The following CACHD1 variants were observed in gnomAD, a reference collection of about 807,000 sequenced individuals.
The protein encoded by CACHD1 is cache domain containing 1, also known as VWFA and cache domain-containing protein 1.
Under a neutral mutation model 138.7 loss-of-function variants are expected in CACHD1, and 71 were observed. That is an observed-to-expected ratio of 0.51 (90% CI 0.42 to 0.62). The LOEUF (loss-of-function observed/expected upper bound fraction) is 0.62. CACHD1 is among the 20% of genes least tolerant of loss of function. The probability of loss-of-function intolerance (pLI) is 0.00; values close to 1 mark genes in which losing one functional copy is unlikely to be tolerated. For missense variants in CACHD1, 1,389 were observed against 1,625.3 expected (o/e 0.85, Z 2.50); for synonymous variants, 578 against 591.5 (o/e 0.98, Z 0.33).
intron 7 of CACHD1, among the ~76,000 whole-genome samples, chr1:64,640,900 T>TG (rs1648690708): frequency 1.3e-5 from 2 of 151,764 alleles, no homozygotes; most frequent in Non-Finnish European, 1.5e-5. Flanking sequence ...TTGTTTTTTT[T>TG]TAGTCAACCC....
intron 1 of CACHD1, among the ~76,000 whole-genome samples, chr1:64,526,923 A>G (rs930427791): frequency 3.3e-5 from 5 of 152,170 alleles, no homozygotes; most frequent in African/African-American, 4.8e-5. Context: ...AAGGAAAACC[A>G]TGTGAGCCAT....
At chr1:64,550,485 A>AT in intron 1 of CACHD1, 109 bp from the exon 2 acceptor site, 13 of 735,632 alleles carry the variant, frequency 1.8e-5, no homozygotes, top group Admixed American at 2.9e-5. Flanking sequence ...TTTTAATTAA[A>AT]TTTTTTTTCT....
chr1:64,570,383 C>A (rs573290484), intron 2 of CACHD1, among the ~76,000 whole-genome samples: 5 of 152,262 alleles, frequency 3.3e-5, no homozygotes, highest in African/African-American at 1.2e-4. Context: ...AATAGCTGTT[C>A]ATGGGCATTC....
At chr1:64,621,842 C>A (rs1647925599) in intron 4 of CACHD1, among the ~76,000 whole-genome samples, 4 of 152,024 alleles carry the variant, frequency 2.6e-5, no homozygotes, top group Non-Finnish European at 5.9e-5. Flanking sequence ...GAATTTAATG[C>A]TAAGTGTAGT....
chr1:64,687,789 G>C (rs963885001), intron 26 of CACHD1, among the ~76,000 whole-genome samples: 2 of 152,144 alleles, frequency 1.3e-5, no homozygotes, highest in Non-Finnish European at 1.5e-5. Flanking sequence ...GTGCGTTGGT[G>C]GGGGGTGGGG....
At chr1:64,584,283 C>A (rs993192279) in intron 3 of CACHD1, among the ~76,000 whole-genome samples, 1 of 152,148 alleles carries the variant, frequency 6.6e-6, no homozygotes, top group Non-Finnish European at 1.5e-5. Flanking sequence ...CTATAACATT[C>A]AGGACAGCTC....
intron 1 of CACHD1, among the ~76,000 whole-genome samples, chr1:64,527,092 A>G (rs1429433795): frequency 1.3e-5 from 2 of 152,214 alleles, no homozygotes; most frequent in African/African-American, 4.8e-5. Context: ...ATTGCTTTTT[A>G]AGGGCATCTG....
intron 1 of CACHD1, among the ~76,000 whole-genome samples, chr1:64,473,336 G>A (rs1044528439): frequency 4.6e-5 from 7 of 152,038 alleles, no homozygotes; most frequent in Admixed American, 2.6e-4. Flanking sequence ...AAAAAAAGTC[G>A]AATGCAGGTT....
At chr1:64,649,567 G>C (rs1030623993) in intron 9 of CACHD1, among the ~76,000 whole-genome samples, 14 of 152,116 alleles carry the variant, frequency 9.2e-5, no homozygotes, top group African/African-American at 3.1e-4. Context: ...CTCAGTAAGC[G>C]TAAGTCTGAT....
At chr1:64,566,716 G>T (rs553354921) in intron 2 of CACHD1, among the ~76,000 whole-genome samples, 1 of 150,942 alleles carries the variant, frequency 6.6e-6, no homozygotes, top group South Asian at 2.1e-4. Flanking sequence ...TTTTTTAAAG[G>T]GAAGATTTAC....
At chr1:64,560,066 A>G (rs1448112576) in intron 2 of CACHD1, among the ~76,000 whole-genome samples, 3 of 152,228 alleles carry the variant, frequency 2.0e-5, no homozygotes, top group East Asian at 1.9e-4. Context: ...CAATAAAACC[A>G]AATGCTGGCT....
chr1:64,648,051 G>A lies in CACHD1; in HGVS notation c.1390+17G>A, dbSNP rs758369694. ...TGGGAGATGGTGAGTTTGGATAAAC[G>A]TCATTTTAAAGGAAGGGGAAAAGAA... On this transcript the variant is annotated intron_variant, in intron 9 of 26. Transcript: ENST00000651257. The A allele has an allele frequency of 1.1e-5, 17 of 1,581,752 alleles. No homozygotes were observed. Among genetic ancestry groups the A allele is most frequent in the East Asian group, 4.5e-5 (2 of 44,302 alleles).
chr1:64,677,829 T>C (rs1650047402), intron 22 of CACHD1, among the ~76,000 whole-genome samples: 1 of 152,150 alleles, frequency 6.6e-6, no homozygotes, highest in Non-Finnish European at 1.5e-5. Flanking sequence ...ACTTGGGGGA[T>C]GTTAAGCCAG....
At chr1:64,586,741 T>A (rs2100547539) in intron 3 of CACHD1, among the ~76,000 whole-genome samples, 1 of 152,278 alleles carries the variant, frequency 6.6e-6, no homozygotes, top group South Asian at 2.1e-4. Context: ...TTTTCTCTAC[T>A]GGCAATAACA....
At chr1:64,504,480 C>G (rs1481270111) in intron 1 of CACHD1, among the ~76,000 whole-genome samples, 1 of 152,154 alleles carries the variant, frequency 6.6e-6, no homozygotes, top group Non-Finnish European at 1.5e-5. Flanking sequence ...CAACCTTTCT[C>G]TTTTGGGTGT....
At chr1:64,514,810 A>G (rs1646447303) in intron 1 of CACHD1, among the ~76,000 whole-genome samples, 1 of 152,174 alleles carries the variant, frequency 6.6e-6, no homozygotes, top group South Asian at 2.1e-4. Flanking sequence ...TATAATTTCT[A>G]CCTGTATATT....
At chr1:64,480,559 A>G (rs546874360) in intron 1 of CACHD1, among the ~76,000 whole-genome samples, 1 of 152,284 alleles carries the variant, frequency 6.6e-6, no homozygotes, top group South Asian at 2.1e-4. Context: ...GCCAGTGAAG[A>G]AAGTTAAAAA....
chr1:64,606,932 G>A (rs1027926589), intron 4 of CACHD1, among the ~76,000 whole-genome samples: 1 of 152,154 alleles, frequency 6.6e-6, no homozygotes, highest in Non-Finnish European at 1.5e-5. Context: ...GGGGAATGCT[G>A]GGAGAAGAGC....
At chr1:64,495,212 A>G (rs1646299221) in intron 1 of CACHD1, among the ~76,000 whole-genome samples, 1 of 152,192 alleles carries the variant, frequency 6.6e-6, no homozygotes, top group South Asian at 2.1e-4. Flanking sequence ...ATGAATATAT[A>G]TAGAATTAAT....
Sources: allele counts gnomAD v4.1 joint callset (sites outside exome capture counted in the v4.1 genomes callset), GRCh38; gene constraint gnomAD v4.1.1; transcripts MANE v1.5; gene names NCBI Gene and HGNC (gene_info 2026-07-23, HGNC 2026-07-21).